DLG2: variants seen among roughly 807,000 people sequenced by gnomAD.
DLG2 encodes discs large MAGUK scaffold protein 2.
Under a neutral mutation model 132.5 loss-of-function variants are expected in DLG2, and 45 were observed. That is an observed-to-expected ratio of 0.34 (90% confidence interval 0.27 to 0.44). The LOEUF is 0.44. Among genes scored for constraint, DLG2 ranks in the 20% least tolerant of loss-of-function variants. The probability of loss-of-function intolerance (pLI) is 1.00; values close to 1 mark genes in which losing one functional copy is unlikely to be tolerated. For missense variants in DLG2, 1,045 were observed against 1,196.9 expected, an observed-to-expected ratio of 0.87 and a Z score of 1.87; for synonymous variants, 424 against 419.6, an observed-to-expected ratio of 1.01 and a Z score of -0.13.
chr11:84,914,992 G>A (rs948322836), intron 6 of DLG2, among the ~76,000 whole-genome samples: 2 of 152,162 alleles, frequency 1.3e-5, no homozygotes, highest in South Asian at 2.1e-4. Context: ...AGTAAGCACC[G>A]ATCTATGAAT....
At chr11:83,599,661 G>A (rs2058202185) in intron 19 of DLG2, among the ~76,000 whole-genome samples, 1 of 152,104 alleles carries the variant, frequency 6.6e-6, no homozygotes, top group African/African-American at 2.4e-5. Context: ...ACCGCCACTA[G>A]ACATTGTGTT....
At chr11:84,480,950 G>A (rs1369933746) in intron 7 of DLG2, among the ~76,000 whole-genome samples, 1 of 151,894 alleles carries the variant, frequency 6.6e-6, no homozygotes, top group African/African-American at 2.4e-5. Flanking sequence ...TGTTGGCCAG[G>A]CTGATCTGGA....
intron 11 of DLG2, among the ~76,000 whole-genome samples, chr11:84,034,593 A>T (rs570070718): frequency 6.6e-6 from 1 of 152,300 alleles, no homozygotes; most frequent in Non-Finnish European, 1.5e-5. Context: ...GTCTTGCCTC[A>T]ATATGATTTA....
intron 8 of DLG2, among the ~76,000 whole-genome samples, chr11:84,195,265 G>C (rs945825604): frequency 2.0e-5 from 3 of 152,196 alleles, no homozygotes; most frequent in Non-Finnish European, 4.4e-5. Flanking sequence ...CCAGGTTCAA[G>C]CAATTCCCCT....
intron 6 of DLG2, among the ~76,000 whole-genome samples, chr11:85,072,760 T>C (rs998393422): frequency 4.6e-5 from 7 of 151,660 alleles, no homozygotes; most frequent in Non-Finnish European, 7.4e-5. Flanking sequence ...TTGCAAAGAG[T>C]AGGCTGCATG....
intron 3 of DLG2, among the ~76,000 whole-genome samples, chr11:85,510,626 C>T (rs1266054009): frequency 1.3e-5 from 2 of 152,158 alleles, no homozygotes; most frequent in Non-Finnish European, 2.9e-5. Context: ...GAAAAATGCT[C>T]ATCATCACTG....
chr11:85,620,836 G>A (rs752482144), intron 2 of DLG2, among the ~76,000 whole-genome samples: 1 of 152,248 alleles, frequency 6.6e-6, no homozygotes, highest in Non-Finnish European at 1.5e-5. Flanking sequence ...GAAGCAGCAA[G>A]TGCTGATGAA....
intron 6 of DLG2, among the ~76,000 whole-genome samples, chr11:84,814,159 A>C (rs1472637288): frequency 6.6e-6 from 1 of 151,976 alleles, no homozygotes; most frequent in Non-Finnish European, 1.5e-5. Flanking sequence ...CCCTCAAAGA[A>C]AGTTTGCAGT....
In DLG2 at chr11:85,001,072, C is replaced by T. The variant is rs186063581; in HGVS notation, c.357+110589G>A. Among the ~76,000 whole-genome samples, 904 of 152,088 alleles carry T rather than the reference C, an allele frequency of 5.9e-3. 3 individuals carry two copies. Among genetic ancestry groups the T allele is most frequent in the Non-Finnish European group, 0.01 (704 of 67,988 alleles). On this transcript the variant is annotated intron_variant, in intron 6 of 27. Coordinates refer to ENST00000376104, the MANE Select transcript of DLG2 (RefSeq NM_001142699.3). The stretch of plus-strand genomic sequence containing the variant: ...CAGCAAGAAGAACCCTTTTGCCCCA[C>T]CCATAATACCCCCTCAGTTATAGAA...
intron 21 of DLG2, among the ~76,000 whole-genome samples, chr11:83,499,515 G>T (rs1432049): frequency 0.35 from 52,923 of 151,328 alleles, 9,333 homozygotes; most frequent in Middle Eastern, 0.46. Flanking sequence ...TAATCTGTAC[G>T]AATTGACATT....
chr11:83,790,482 G>A, intron 17 of DLG2: 1 of 1,230,656 alleles, frequency 8.1e-7, no homozygotes, highest in South Asian at 1.2e-5. Context: ...CACTACCATG[G>A]GACCACTACT....
intron 12 of DLG2, among the ~76,000 whole-genome samples, chr11:83,971,996 G>T (rs747746786): frequency 2.2e-4 from 33 of 151,934 alleles, no homozygotes; most frequent in Non-Finnish European, 3.7e-4. Context: ...AAATGAGCAA[G>T]AACAAAAACT....
At chr11:85,200,416 G>C (rs2081377001) in intron 4 of DLG2, among the ~76,000 whole-genome samples, 4 of 152,150 alleles carry the variant, frequency 2.6e-5, no homozygotes, top group Admixed American at 2.6e-4. Context: ...GCTGTTCACG[G>C]AAGAATCCAG....
intron 14 of DLG2, among the ~76,000 whole-genome samples, chr11:83,956,694 T>C (rs1376489447): frequency 6.6e-6 from 1 of 152,236 alleles, no homozygotes; most frequent in Non-Finnish European, 1.5e-5. Flanking sequence ...AAGAAGAAAC[T>C]TCTAGTTCAC....
chr11:84,263,116 C>G (rs747187779), intron 7 of DLG2, among the ~76,000 whole-genome samples: 7 of 152,108 alleles, frequency 4.6e-5, no homozygotes, highest in Non-Finnish European at 1.0e-4. Context: ...TGAGTCTCCC[C>G]AGTTAGTTTT....
chr11:84,860,579 T>C (rs1159767717), intron 6 of DLG2, among the ~76,000 whole-genome samples: 2 of 152,122 alleles, frequency 1.3e-5, no homozygotes, highest in Non-Finnish European at 2.9e-5. Flanking sequence ...TATACTGTAC[T>C]TCCAAGTTGA....
intron 19 of DLG2, among the ~76,000 whole-genome samples, chr11:83,602,721 T>C (rs1388103819): frequency 6.6e-6 from 1 of 152,212 alleles, no homozygotes; most frequent in Non-Finnish European, 1.5e-5. Context: ...CTTACCTGCC[T>C]CATAGTGGTA....
intron 10 of DLG2, among the ~76,000 whole-genome samples, chr11:84,077,427 C>T (rs987669324): frequency 6.6e-6 from 1 of 152,196 alleles, no homozygotes; most frequent in Non-Finnish European, 1.5e-5. Flanking sequence ...CCTTGAAACA[C>T]TCTTCTGCAT....
In DLG2 at chr11:85,312,021, C is replaced by A. The variant is rs547059711; in HGVS notation, c.41-26656G>T. 3.9e-5 allele frequency among the ~76,000 whole-genome samples: 6 copies of A among 152,064 alleles called. No individual in the cohort carries two copies. In the South Asian group the frequency reaches 6.2e-4, roughly 16 times the overall value. On this transcript the variant is annotated intron_variant, in intron 3 of 27. Coordinates refer to ENST00000376104, the MANE Select transcript of DLG2 (RefSeq NM_001142699.3). ...CTCTGTCCTGTGCTCTTTATCTCTA[C>A]AAGGAATGTTCTTCTCCCTTTTCTT...
Sources: gnomAD v4.1 joint callset for allele counts (sites outside exome capture counted in the v4.1 genomes callset) on GRCh38, gnomAD v4.1.1 for gene constraint, MANE v1.5 for transcripts, NCBI Gene and HGNC (gene_info 2026-07-23, HGNC 2026-07-21) for gene names.